The following PRDM2 variants were observed in gnomAD, a reference collection of about 807,000 sequenced individuals.
The protein encoded by PRDM2 is PR/SET domain 2.
In PRDM2, 30 loss-of-function variants were observed where a neutral mutation model predicts 130.0. The ratio of observed to expected loss-of-function variants is 0.23; its 90% CI spans 0.17 to 0.31. PRDM2 has a LOEUF of 0.31. Ranked by LOEUF, PRDM2 falls within the 10% of genes least tolerant of loss-of-function variation. PRDM2 has a pLI of 1.00. For missense variants in PRDM2, 2,011 were observed against 2,108.4 expected, an observed-to-expected ratio of 0.95 and a Z score of 0.90; for synonymous variants, 871 against 782.4, an observed-to-expected ratio of 1.11 and a Z score of -1.89.
At chr1:13,759,960 T>G (rs1276958176) in intron 6 of PRDM2, among the ~76,000 whole-genome samples, 1 of 152,196 alleles carries the variant, frequency 6.6e-6, no homozygotes, top group African/African-American at 2.4e-5. Context: ...TTTTGTTAAT[T>G]GCTAAAGGTG....
chr1:13,751,540 T>A (rs200298151), intron 6 of PRDM2, among the ~76,000 whole-genome samples: 1 of 151,742 alleles, frequency 6.6e-6, no homozygotes, highest in Admixed American at 6.6e-5. Flanking sequence ...TTTTTTTTTT[T>A]AATTAACTCA....
chr1:13,711,116 T>C (rs1032092577), intron 1 of PRDM2, among the ~76,000 whole-genome samples: 1 of 151,848 alleles, frequency 6.6e-6, no homozygotes, highest in Non-Finnish European at 1.5e-5. Context: ...TTTGGTAGAA[T>C]TGCTAAGGTT....
At chr1:13,720,521 G>T (rs1642689289) in intron 2 of PRDM2, among the ~76,000 whole-genome samples, 1 of 152,156 alleles carries the variant, frequency 6.6e-6, no homozygotes, top group Non-Finnish European at 1.5e-5. Context: ...AGGGTTTTGA[G>T]GAGAGGGCTG....
intron 4 of PRDM2, among the ~76,000 whole-genome samples, chr1:13,740,815 C>T (rs1643414775): frequency 6.6e-6 from 1 of 152,146 alleles, no homozygotes; most frequent in Non-Finnish European, 1.5e-5. Flanking sequence ...GGATGCTGCC[C>T]CTTGGCAATC....
rs577856898 is a variant in PRDM2, at chr1:13,775,004, C to A, written c.622+1816C>A. 2.0e-5 allele frequency among the ~76,000 whole-genome samples: 3 copies of A among 152,060 alleles called. No homozygotes were observed. The South Asian group carries it at 6.2e-4, about 32-fold the overall frequency. On this transcript the variant is annotated intron_variant, in intron 7 of 9. Transcript: ENST00000311066. ...AAAAAGAAAAATGACACTTGCTCTT[C>A]ACCCCCCAGTATTTGGCACAGCTGG...
At chr1:13,795,866 G>C (rs1045187114) in intron 8 of PRDM2, among the ~76,000 whole-genome samples, 27 of 152,144 alleles carry the variant, frequency 1.8e-4, no homozygotes, top group African/African-American at 6.5e-4. Flanking sequence ...TCCAAGCCAG[G>C]GTTGACCAGC....
chr1:13,741,556 G>A (rs1643442146), intron 4 of PRDM2, among the ~76,000 whole-genome samples: 1 of 152,166 alleles, frequency 6.6e-6, no homozygotes, highest in African/African-American at 2.4e-5. Flanking sequence ...TACTCGATTA[G>A]CAGAGCAACC....
intron 8 of PRDM2, among the ~76,000 whole-genome samples, chr1:13,805,853 G>C (rs1173479042): frequency 6.6e-6 from 1 of 152,136 alleles, no homozygotes; most frequent in East Asian, 1.9e-4. Context: ...CGGTCTGGCA[G>C]GGAGCTTGGA....
intron 2 of PRDM2, among the ~76,000 whole-genome samples, chr1:13,724,961 G>C (rs1003162640): frequency 2.0e-5 from 3 of 152,078 alleles, no homozygotes; most frequent in African/African-American, 7.2e-5. Context: ...TGAATGTTTG[G>C]ATTAAGCCCC....
intron 7 of PRDM2, 23 bp from the exon 8 acceptor site, chr1:13,778,395 T>A (rs749063878): frequency 1.4e-5 from 22 of 1,559,430 alleles, no homozygotes; most frequent in Non-Finnish European, 1.7e-5. Flanking sequence ...ACTTCCATGC[T>A]TCTGCTTCCA....
At chr1:13,714,240 AT>A (rs1383305630) in intron 1 of PRDM2, among the ~76,000 whole-genome samples, 3 of 152,066 alleles carry the variant, frequency 2.0e-5, no homozygotes, top group African/African-American at 7.2e-5. Flanking sequence ...TCAATATGTG[AT>A]GTTTACTAAG....
chr1:13,739,519 A>G (rs1439711455), intron 4 of PRDM2, among the ~76,000 whole-genome samples: 3 of 152,210 alleles, frequency 2.0e-5, no homozygotes, highest in Admixed American at 1.3e-4. Context: ...ATCGTGCCAT[A>G]TAATCTAATT....
At chr1:13,813,371 C>A (rs1000839696) in intron 8 of PRDM2, among the ~76,000 whole-genome samples, 1 of 152,138 alleles carries the variant, frequency 6.6e-6, no homozygotes, top group African/African-American at 2.4e-5. Context: ...ACTGTGCTCT[C>A]ATGAGTTCTT....
intron 1 of PRDM2, among the ~76,000 whole-genome samples, chr1:13,714,432 A>G (rs1207979995): frequency 6.6e-6 from 1 of 151,844 alleles, no homozygotes; most frequent in African/African-American, 2.4e-5. Flanking sequence ...CTCATGGAAT[A>G]CATCCTTATG....
At position 13,781,752 on chromosome 1, in the gene PRDM2, T is replaced by C; in HGVS notation, c.3957T>C (p.Asn1319=). 1 of 1,614,184 alleles carries C rather than the reference T, an allele frequency of 6.2e-7. No homozygotes were observed. Among genetic ancestry groups the C allele is most frequent in the Non-Finnish European group, 8.5e-7 (1 of 1,180,038 alleles). Residue 1319 remains asparagine (N), a synonymous_variant, in exon 8 of 10, where the codon AAT becomes AAC. Coordinates refer to ENST00000311066, the MANE Select transcript of PRDM2 (RefSeq NM_001393986.1). This position sits in a 1 kb window ranked among gnomAD's most constrained non-coding sequence, Gnocchi z 6.1. ...NPMGIGVTAT[N]FTTHNIPQTF... Reference sequence around the variant, plus strand: ...TGGGGATTGGTGTGACAGCCACAAATTTCACTACACACAATATTCCACAGA... The same window carrying C: ...TGGGGATTGGTGTGACAGCCACAAACTTCACTACACACAATATTCCACAGA...
chr1:13,794,347 CATT>C (rs1459660667), intron 8 of PRDM2, among the ~76,000 whole-genome samples: 3 of 152,134 alleles, frequency 2.0e-5, no homozygotes, highest in African/African-American at 7.2e-5. Flanking sequence ...GTTATGGACT[CATT>C]ATGTTTGTTT....
intron 6 of PRDM2, among the ~76,000 whole-genome samples, chr1:13,763,334 G>A (rs978590413): frequency 2.6e-5 from 4 of 152,212 alleles, no homozygotes; most frequent in African/African-American, 4.8e-5. Context: ...AAGTGATGAT[G>A]TGTAGCATGG....
chr1:13,781,796 G>A lies in PRDM2; in HGVS notation c.4001G>A (p.Arg1334His), dbSNP rs1644618930. 5.0e-6 allele frequency: 8 copies of A among 1,614,122 alleles called. No individual in the cohort carries two copies. The highest frequency in any genetic ancestry group is 2.7e-5 in the African/African-American group (2 of 75,028). Residue 1334 changes from arginine to histidine, a missense_variant, in exon 8 of 10, where the codon CGC becomes CAC. This residue lies in a region of PRDM2 where 229 missense variants were observed against 364.1 expected (regional missense o/e 0.63). Transcript: ENST00000311066. The surrounding 1 kb of genome is among the most constrained non-coding windows in gnomAD (Gnocchi z 6.1). Reference sequence around the variant, plus strand: ...CCACAGACTTTCACTACCGCCATTCGCTGCACAAAGTGTGGAAAAGGTGTC... The same window carrying A: ...CCACAGACTTTCACTACCGCCATTCACTGCACAAAGTGTGGAAAAGGTGTC... ...NIPQTFTTAI[R>H]CTKCGKGVDN...
intron 8 of PRDM2, among the ~76,000 whole-genome samples, chr1:13,789,266 C>T (rs2100700361): frequency 6.6e-6 from 1 of 152,362 alleles, no homozygotes; most frequent in South Asian, 2.1e-4. Flanking sequence ...AAACATTTCA[C>T]AGTGTTTCTG....
Sources: allele counts gnomAD v4.1 joint callset (sites outside exome capture counted in the v4.1 genomes callset), GRCh38; gene constraint gnomAD v4.1.1; regional missense constraint gnomAD v4.1.1; non-coding constraint Gnocchi (gnomAD v3.1); transcripts MANE v1.5; gene names NCBI Gene and HGNC (gene_info 2026-07-23, HGNC 2026-07-21).